DNAH6: variants seen among roughly 807,000 people sequenced by gnomAD.
The protein encoded by DNAH6 is axonemal beta dynein heavy chain 6.
A neutral mutation model predicts 491.4 loss-of-function variants in DNAH6; 340 were observed. The ratio of observed to expected loss-of-function variants is 0.69; its 90% confidence interval spans 0.63 to 0.76. The LOEUF is 0.76. Among genes scored for constraint, DNAH6 ranks in the 30% least tolerant of loss-of-function variants. DNAH6 has a pLI of 0.00. For missense variants in DNAH6, 4,443 were observed against 4,972.2 expected, an observed-to-expected ratio of 0.89 and a Z score of 3.20; for synonymous variants, 1,603 against 1,686.1, an observed-to-expected ratio of 0.95 and a Z score of 1.21.
At chr2:84,584,521 G>A (rs1402874069) in intron 15 of DNAH6, 5 of 343,456 alleles carry the variant, frequency 1.5e-5, no homozygotes, top group Non-Finnish European at 2.7e-5. Context: ...GTTTTTTATA[G>A]TATCATTCTA....
At chr2:84,575,636 G>A (rs2103964290) in intron 12 of DNAH6, among the ~76,000 whole-genome samples, 1 of 152,298 alleles carries the variant, frequency 6.6e-6, no homozygotes, top group East Asian at 1.9e-4. Context: ...TGTAATCCCA[G>A]AACTTTGGGA....
intron 76 of DNAH6, among the ~76,000 whole-genome samples, chr2:84,816,895 C>A (rs567659139): frequency 6.6e-6 from 1 of 152,086 alleles, no homozygotes; most frequent in African/African-American, 2.4e-5. Context: ...CTGGGAAAAT[C>A]GCCTTGAATA....
chr2:84,797,466 G>A, intron 69 of DNAH6, 71 bp from the exon 70 acceptor site: 2 of 1,474,034 alleles, frequency 1.4e-6, no homozygotes, highest in Non-Finnish European at 1.8e-6. Flanking sequence ...ACCACACAAA[G>A]AAAAATCAAA....
In DNAH6 at chr2:84,697,678, C is replaced by T; in HGVS notation, c.7628C>T (p.Thr2543Ile). Residue 2543 changes from threonine to isoleucine, a missense_variant, in exon 47 of 77, where the codon ACC (threonine) becomes ATC (isoleucine). Transcript: ENST00000389394. Reference protein sequence around the residue: ...KDELEQVLAATRPRAKEVGIS... With the variant: ...KDELEQVLAAIRPRAKEVGIS... The stretch of plus-strand genomic sequence containing the variant: ...GAACTGGAGCAGGTTTTAGCGGCCA[C>T]CAGACCAAGAGCAAAAGAAGTAGGA... The T allele has an allele frequency of 6.4e-7, 1 of 1,551,826 alleles. No homozygotes were observed. Among genetic ancestry groups the T allele is most frequent in the Non-Finnish European group, 8.7e-7 (1 of 1,147,032 alleles).
intron 70 of DNAH6, among the ~76,000 whole-genome samples, chr2:84,798,727 G>A (rs2105292729): frequency 6.6e-6 from 1 of 152,256 alleles, no homozygotes; most frequent in South Asian, 2.1e-4. Context: ...AGTGCCCACA[G>A]CACAGCCTCC....
At chr2:84,617,030 C>A in intron 23 of DNAH6, 48 bp downstream of exon 23, 1 of 1,026,536 alleles carries the variant, frequency 9.7e-7, no homozygotes, top group Non-Finnish European at 1.4e-6. Flanking sequence ...TTATGACTGT[C>A]AATCAAGTTG....
chr2:84,568,607 G>A (rs555653719), intron 11 of DNAH6, among the ~76,000 whole-genome samples: 3 of 152,236 alleles, frequency 2.0e-5, no homozygotes, highest in South Asian at 2.1e-4. Context: ...GCAAATACAT[G>A]TGGGGCTTAA....
chr2:84,618,627 G>C (rs1687107364), intron 23 of DNAH6, among the ~76,000 whole-genome samples: 1 of 151,680 alleles, frequency 6.6e-6, no homozygotes, highest in Non-Finnish European at 1.5e-5. Context: ...AAAAAAGTTT[G>C]AAAATCACTG....
At chr2:84,513,470 C>T (rs1204731749), upstream of DNAH6, among the ~76,000 whole-genome samples, 1 of 152,066 alleles carries the variant, frequency 6.6e-6, no homozygotes, top group Non-Finnish European at 1.5e-5. Flanking sequence ...TTTAGAGTTC[C>T]TTACTCTACC....
Position 84,547,591 on chromosome 2 carries a change from T to C in DNAH6, c.1165T>C (p.Cys389Arg). 6.4e-7 allele frequency: 1 copy of C among 1,551,970 alleles called. No individual in the cohort carries two copies. The highest frequency in any genetic ancestry group is 8.7e-7 in the Non-Finnish European group (1 of 1,146,984). ...LRAAGFVPDD[C>R]AFGPFEDYHK... is the part of the protein sequence containing the mutation. The stretch of plus-strand genomic sequence containing the variant: ...TGCTGCAGGATTTGTTCCTGATGAC[T>C]GTGCATTTGGACCTTTTGAGGGTAT... Residue 389 changes from cysteine (C) to arginine (R), a missense_variant, in exon 7 of 77, where the codon TGT becomes CGT. By Grantham distance (180) the Cys-to-Arg change is radical. Transcript: ENST00000389394.
At chr2:84,685,297 T>C in intron 42 of DNAH6, 29 bp from the exon 43 acceptor site, 1 of 820,352 alleles carries the variant, frequency 1.2e-6, no homozygotes, top group Non-Finnish European at 1.6e-6. Context: ...AGAATTTTTC[T>C]TTTTTTTTTT....
At position 84,525,566 on chromosome 2, in the gene DNAH6, C is replaced by G; in HGVS notation, c.227C>G (p.Pro76Arg). ...AACATGTCTCTCTATTTCCCAAAGCCAGTGCTAAAAGTCTACCAAGATCAT... is the reference window on the plus strand; with the variant it reads ...AACATGTCTCTCTATTTCCCAAAGCGAGTGCTAAAAGTCTACCAAGATCAT... ...RQQPIKLEPL[P>R]VLKVYQDHKQ... Residue 76 changes from proline (P) to arginine (R), a missense_variant and splice_region_variant, in exon 3 of 77, where the codon CCA becomes CGA. Pro to Arg is a moderately radical substitution (Grantham distance 103). Around this residue, in one of 3 missense-constraint regions of DNAH6, gnomAD observed 2,977 missense variants for 3,296.6 expected, o/e 0.90. Transcript: ENST00000389394. 6.5e-7 allele frequency: 1 copy of G among 1,536,004 alleles called. No homozygotes were observed. The highest frequency in any genetic ancestry group is 8.8e-7 in the Non-Finnish European group (1 of 1,142,716).
At chr2:84,778,293 T>G in intron 64 of DNAH6, 1 of 544,500 alleles carries the variant, frequency 1.8e-6, no homozygotes, top group Non-Finnish European at 3.4e-6. Flanking sequence ...GGCAATGAGA[T>G]CCGGACTTGG....
intron 18 of DNAH6, 83 bp downstream of exon 18, chr2:84,595,872 T>G: frequency 2.2e-6 from 3 of 1,353,600 alleles, no homozygotes. Context: ...CAGGAATTTT[T>G]CCCTGATTAA....
chr2:84,676,951 C>A, intron 40 of DNAH6, 54 bp from the exon 41 acceptor site: 1 of 1,538,306 alleles, frequency 6.5e-7, no homozygotes, highest in South Asian at 1.2e-5. Context: ...TTAGGATAGG[C>A]AGGTCTCATT....
At chr2:84,676,011 G>C (rs1274915796) in intron 40 of DNAH6, among the ~76,000 whole-genome samples, 1 of 152,196 alleles carries the variant, frequency 6.6e-6, no homozygotes, top group East Asian at 1.9e-4. Context: ...TAGGTGGCAT[G>C]TTCTCTCCAT....
chr2:84,508,817 G>C, the DNAH6 span, among the ~76,000 whole-genome samples: 1 of 152,098 alleles, frequency 6.6e-6, no homozygotes, highest in Admixed American at 6.6e-5. Flanking sequence ...CCTTCATTTC[G>C]TTATGTACCC....
chr2:84,662,270 G>A lies in DNAH6; in HGVS notation c.6084+3101G>A, dbSNP rs891119378. On this transcript the variant is annotated intron_variant, in intron 37 of 76. Transcript: ENST00000389394. ...CAGGTTCATCTCACTGGGGCTTGTC[G>A]GACAGTGGCTGCACCCCATGGAGCA... Among the ~76,000 whole-genome samples the A allele has an allele frequency of 6.6e-5, 10 of 152,126 alleles. No individual in the cohort carries two copies. The East Asian group carries it at 9.7e-4, about 15-fold the overall frequency.
intron 18 of DNAH6, among the ~76,000 whole-genome samples, chr2:84,601,068 A>AATAATAACGTTATTATT (rs1558778959): frequency 9.4e-5 from 14 of 148,854 alleles, no homozygotes; most frequent in African/African-American, 3.4e-4. Flanking sequence ...ATTATACTAT[A>AATAATAACGTTATTATT]AGGAATCCTT....
Sources: gnomAD v4.1 joint callset for allele counts (sites outside exome capture counted in the v4.1 genomes callset) on GRCh38, gnomAD v4.1.1 for gene constraint, gnomAD v4.1.1 regional missense constraint, MANE v1.5 for transcripts, NCBI Gene and HGNC (gene_info 2026-07-23, HGNC 2026-07-21) for gene names.